Variants in ANKDD1A observed in about 807,000 individuals in gnomAD.
The protein encoded by ANKDD1A is ankyrin repeat and death domain-containing protein 1A.
In ANKDD1A, 59 loss-of-function variants were observed where a neutral mutation model predicts 63.5. The observed-to-expected ratio is 0.93, with a 90% confidence interval of 0.75 to 1.15. ANKDD1A has a LOEUF of 1.15. Among genes scored for constraint, ANKDD1A ranks in the 50% most tolerant of loss-of-function variants. The pLI is 0.00. For synonymous variants in ANKDD1A, 266 were observed against 263.9 expected (o/e 1.01, Z -0.08); for missense variants, 632 against 656.4 (o/e 0.96, Z 0.41).
intron 14 of ANKDD1A, among the ~76,000 whole-genome samples, chr15:64,953,839 TTC>T (rs2085361393): frequency 1.7e-4 from 2 of 11,658 alleles, no homozygotes; most frequent in South Asian, 1.6e-3. Flanking sequence ...TTCTTTCCTC[TTC>T]TTTTCTTCTT....
Position 64,915,793 on chromosome 15 carries a change from A to G in ANKDD1A, c.35-4A>G. ...TCATCCTGCACCCCATTTTCTCCCC[A>G]CAGTGCTTCCTCTGGAGAGGCAGCT... is the stretch of plus-strand genomic sequence containing the variant. On this transcript the variant is annotated splice_polypyrimidine_tract_variant and splice_region_variant and intron_variant, in intron 1 of 14. Coordinates refer to ENST00000319580, the MANE Select transcript of ANKDD1A (RefSeq NM_182703.6). 1 of 1,613,672 alleles carries G rather than the reference A, an allele frequency of 6.2e-7. No individual in the cohort carries two copies. Among genetic ancestry groups the G allele is most frequent in the Admixed American group, 1.7e-5 (1 of 60,004 alleles).
intron 8 of ANKDD1A, chr15:64,931,813 T>C: frequency 1.7e-6 from 1 of 600,562 alleles, no homozygotes; most frequent in Non-Finnish European, 3.0e-6. Context: ...CATTTACTTT[T>C]TTACATTGTT....
chr15:64,949,781 C>G, intron 13 of ANKDD1A, 60 bp from the exon 14 acceptor site: 3 of 1,583,424 alleles, frequency 1.9e-6, no homozygotes, highest in East Asian at 2.2e-5. Context: ...GACAGGCGCT[C>G]TGGTCAAGTG....
intron 4 of ANKDD1A, among the ~76,000 whole-genome samples, chr15:64,922,815 T>G (rs1209433491): frequency 6.6e-6 from 1 of 152,146 alleles, no homozygotes; most frequent in East Asian, 1.9e-4. Flanking sequence ...CTAATTAGCA[T>G]TTTTTCCAAT....
chr15:64,944,605 C>T, intron 11 of ANKDD1A, 47 bp from the exon 12 acceptor site: 2 of 1,563,332 alleles, frequency 1.3e-6, no homozygotes, highest in South Asian at 2.3e-5. Flanking sequence ...CCCTTGTGTA[C>T]CCCTCCTGTA....
intron 3 of ANKDD1A, among the ~76,000 whole-genome samples, chr15:64,919,664 C>T (rs546294627): frequency 6.6e-6 from 1 of 152,270 alleles, no homozygotes; most frequent in South Asian, 2.1e-4. Context: ...CTGGTGTCAT[C>T]CCAAACATGG....
chr15:64,947,541 T>C lies in ANKDD1A; in HGVS notation c.1299T>C (p.Tyr433=), dbSNP rs1314726406. The C allele has an allele frequency of 2.5e-6, 4 of 1,614,148 alleles. No homozygotes were observed. In the Admixed American group the frequency reaches 6.7e-5, roughly 27 times the overall value. The stretch of plus-strand genomic sequence containing the variant: ...CCCGTGAGTGGAAGAAGCTGGCATA[T>C]TCCTGGGAGTTCACGGAGGCACATG... The part of the protein sequence containing the change: ...LQPREWKKLA[Y]SWEFTEAHVD... The change falls in exon 13 of 15, where the codon TAT becomes TAC. Residue 433 remains tyrosine, a synonymous_variant. Coordinates refer to ENST00000319580, the MANE Select transcript of ANKDD1A (RefSeq NM_182703.6).
At chr15:64,952,421 A>T (rs1247146205) in intron 14 of ANKDD1A, among the ~76,000 whole-genome samples, 4 of 7,228 alleles carry the variant, frequency 5.5e-4, no homozygotes, top group South Asian at 0.016. Flanking sequence ...TCTCCTTCTT[A>T]GTTTTCTTCT....
intron 14 of ANKDD1A, chr15:64,950,576 T>C (rs1319220634): frequency 1.0e-6 from 1 of 985,300 alleles, no homozygotes; most frequent in East Asian, 1.1e-4. Context: ...TGGTACATAA[T>C]GGGGCAACCA....
intron 8 of ANKDD1A, 25 bp downstream of exon 8, chr15:64,931,610 G>A (rs373673365): frequency 7.5e-6 from 12 of 1,610,222 alleles, no homozygotes; most frequent in East Asian, 2.2e-5. Flanking sequence ...CCAAGACTGC[G>A]GTCGGCTCTT....
intron 1 of ANKDD1A, 107 bp from the exon 2 acceptor site, chr15:64,915,690 G>A: frequency 1.1e-6 from 1 of 918,510 alleles, no homozygotes; most frequent in Non-Finnish European, 1.7e-6. Context: ...CTAGCTGAAA[G>A]ACCCCTGCTC....
At position 64,952,872 on chromosome 15, in the gene ANKDD1A, TC is replaced by T. The variant is rs2085323459; in HGVS notation, c.1483+2901del. On this transcript the variant is annotated intron_variant, in intron 14 of 14. Transcript: ENST00000319580. ...GTCTCTTCTCCTTCTTCTTTTCTTC[TC>T]TTTCTTCTTCTCCTTCTTCCTTCTC... is the stretch of plus-strand genomic sequence containing the variant. 2.1e-4 allele frequency among the ~76,000 whole-genome samples: 25 copies of T among 119,186 alleles called. 1 individual carries two copies. The East Asian group carries it at 3.2e-3, about 15-fold the overall frequency. 78.2% of individuals were successfully genotyped at this position (119,186 alleles called of 152,430 possible).
intron 3 of ANKDD1A, among the ~76,000 whole-genome samples, chr15:64,918,124 G>A (rs1257389413): frequency 6.6e-6 from 1 of 152,284 alleles, no homozygotes; most frequent in Non-Finnish European, 1.5e-5. Flanking sequence ...AGCACTTTGG[G>A]AGGCCAAGTG....
chr15:64,927,734 A>G (rs2085057781), intron 6 of ANKDD1A, among the ~76,000 whole-genome samples: 1 of 151,174 alleles, frequency 6.6e-6, no homozygotes, highest in Non-Finnish European at 1.5e-5. Flanking sequence ...CCTCCCGAAT[A>G]GCTGGGACTG....
chr15:64,958,532 CAG>C lies in ANKDD1A; in HGVS notation c.*1347_*1348del, dbSNP rs1566920566. On this transcript the variant is annotated 3_prime_UTR_variant, in exon 15 of 15. Coordinates refer to ENST00000319580, the MANE Select transcript of ANKDD1A (RefSeq NM_182703.6). ...GTAAAGTTATAAAAGGAAAAGAAAA[CAG>C]AGGCTTTAAATTAAATCATCTATTC... 1 of 151,988 alleles carries C rather than the reference CAG, an allele frequency of 6.6e-6. No homozygotes were observed. The highest frequency in any genetic ancestry group is 6.6e-5 in the Admixed American group (1 of 15,254). The allele number at this position is 151,988 out of a possible 1,614,324, so 9.4% of individuals were successfully genotyped here. A position where few individuals can be genotyped will look rare whatever the true frequency, so the allele number is the denominator to read the frequency against.
intron 4 of ANKDD1A, among the ~76,000 whole-genome samples, chr15:64,924,224 G>A (rs1464971890): frequency 6.6e-6 from 1 of 152,214 alleles, no homozygotes; most frequent in African/African-American, 2.4e-5. Flanking sequence ...GGTGGTCACT[G>A]ATCTTTAGGG....
rs997482931 is a variant in ANKDD1A, at chr15:64,952,733, TCTTC to T, written c.1483+2764_1483+2767del. 1.7e-4 allele frequency among the ~76,000 whole-genome samples: 21 copies of T among 125,918 alleles called. No individual in the cohort carries two copies. The South Asian group carries it at 1.7e-3, about 10-fold the overall frequency. The allele number at this position is 125,918 out of a possible 152,430, so 82.6% of individuals were successfully genotyped here. On this transcript the variant is annotated intron_variant, in intron 14 of 14. Transcript: ENST00000319580. ...CTCCTTTCTTCTTTCTTCTTCTCCT[TCTTC>T]CTCCTTCTTTCCTCTTCTCCTCCTC...
intron 9 of ANKDD1A, among the ~76,000 whole-genome samples, chr15:64,935,274 T>A (rs962501990): frequency 1.3e-5 from 2 of 150,098 alleles, no homozygotes; most frequent in Non-Finnish European, 3.0e-5. Flanking sequence ...CGTGAGCCTG[T>A]AATCCCAGCA....
intron 6 of ANKDD1A, 135 bp downstream of exon 6, chr15:64,927,134 A>G: frequency 1.1e-6 from 1 of 871,482 alleles, no homozygotes; most frequent in Non-Finnish European, 1.8e-6. Context: ...ATGAGAGTGT[A>G]TTTAGTGTTC....
Sources: gnomAD v4.1 joint callset for allele counts (sites outside exome capture counted in the v4.1 genomes callset) on GRCh38, gnomAD v4.1.1 for gene constraint, MANE v1.5 for transcripts, NCBI Gene and HGNC (gene_info 2026-07-23, HGNC 2026-07-21) for gene names.